The following LSM14A variants were observed in gnomAD, a reference collection of about 807,000 sequenced individuals.
LSM14A encodes the protein protein LSM14 homolog A.
A neutral mutation model predicts 52.4 loss-of-function variants in LSM14A; 14 were observed. The observed-to-expected ratio is 0.27, with a 90% CI of 0.18 to 0.42. LSM14A has a LOEUF of 0.42. Among genes scored for constraint, LSM14A ranks in the 10% least tolerant of loss-of-function variants. The pLI, the probability that LSM14A is intolerant of heterozygous loss-of-function variation, is 1.00. For missense variants in LSM14A, 417 were observed against 581.8 expected (o/e 0.72, Z 2.91); for synonymous variants, 185 against 200.3 (o/e 0.92, Z 0.64).
intron 3 of LSM14A, among the ~76,000 whole-genome samples, chr19:34,205,430 GAGCCGAGATCAC>G (rs1485274533): frequency 7.3e-6 from 1 of 136,226 alleles, no homozygotes; most frequent in Non-Finnish European, 1.6e-5. Flanking sequence ...AGGTTGCAGT[GAGCCGAGATCAC>G]ACCATTGAAC....
intron 9 of LSM14A, among the ~76,000 whole-genome samples, chr19:34,225,281 TC>T: frequency 6.6e-6 from 1 of 152,300 alleles, no homozygotes; most frequent in East Asian, 1.9e-4. Flanking sequence ...AATAATCCTT[TC>T]ATCTGCCACT....
intron 9 of LSM14A, among the ~76,000 whole-genome samples, chr19:34,226,752 A>G (rs542964753): frequency 7.9e-4 from 120 of 152,300 alleles, no homozygotes; most frequent in Non-Finnish European, 1.5e-3. Context: ...ACAGGCCTTT[A>G]GTTTAGGGTC....
intron 1 of LSM14A, among the ~76,000 whole-genome samples, chr19:34,184,055 C>CAT (rs2069700283): frequency 7.7e-6 from 1 of 129,886 alleles, no homozygotes; most frequent in Non-Finnish European, 1.6e-5. Context: ...CTTTCCTTTG[C>CAT]TTTTTTTTTT....
intron 1 of LSM14A, among the ~76,000 whole-genome samples, chr19:34,184,227 G>A (rs1006751970): frequency 5.9e-5 from 9 of 151,868 alleles, no homozygotes; most frequent in Non-Finnish European, 1.3e-4. Context: ...GCTAATTTTT[G>A]TATTTTTAAG....
Position 34,227,390 on chromosome 19 carries a change from C to G in LSM14A, c.*2C>G. On this transcript the variant is annotated 3_prime_UTR_variant, in exon 10 of 10. Transcript: ENST00000544216. Reference sequence around the variant, plus strand: ...AAAGACAACAAAGTTGCTGCATAGTCTACAAACAAGTCTCTGAAAATAGGT... The same window carrying G: ...AAAGACAACAAAGTTGCTGCATAGTGTACAAACAAGTCTCTGAAAATAGGT... The G allele has an allele frequency of 6.3e-7, 1 of 1,593,008 alleles. No individual in the cohort carries two copies. Among genetic ancestry groups the G allele is most frequent in the Non-Finnish European group, 8.5e-7 (1 of 1,172,002 alleles).
At chr19:34,209,397 C>T (rs2071966420) in intron 4 of LSM14A, among the ~76,000 whole-genome samples, 1 of 152,102 alleles carries the variant, frequency 6.6e-6, no homozygotes. Flanking sequence ...TTGGAAATAT[C>T]ATCTGAAAAA....
rs1333230842 is a variant in LSM14A, at chr19:34,219,374, A to G, written c.782-17A>G. The G allele has an allele frequency of 2.5e-6, 4 of 1,585,512 alleles. No homozygotes were observed. Among genetic ancestry groups the G allele is most frequent in the African/African-American group, 2.7e-5 (2 of 73,740 alleles). ...TACATATTGAATGTCCTTTGTATATATTCTTTATTATCATAGCTCCAGGTG... is the reference window on the plus strand; with the variant it reads ...TACATATTGAATGTCCTTTGTATATGTTCTTTATTATCATAGCTCCAGGTG... On this transcript the variant is annotated splice_polypyrimidine_tract_variant and intron_variant, in intron 6 of 9. Transcript: ENST00000544216.
At chr19:34,225,663 G>A (rs1318071526) in intron 9 of LSM14A, among the ~76,000 whole-genome samples, 1 of 152,156 alleles carries the variant, frequency 6.6e-6, no homozygotes, top group Non-Finnish European at 1.5e-5. Context: ...CACATTAGAT[G>A]ATAAGGAAAC....
chr19:34,191,654 G>C (rs944728), intron 1 of LSM14A, among the ~76,000 whole-genome samples: 53,044 of 151,704 alleles, frequency 0.35, 9,717 homozygotes, highest in African/African-American at 0.4. Flanking sequence ...CTTTTTACTT[G>C]ACTCTGAATT....
chr19:34,204,269 A>G (rs540192410), intron 3 of LSM14A, among the ~76,000 whole-genome samples: 1 of 152,366 alleles, frequency 6.6e-6, no homozygotes, highest in South Asian at 2.1e-4. Context: ...CAAAAGGAAT[A>G]AAATCATACA....
intron 8 of LSM14A, among the ~76,000 whole-genome samples, chr19:34,220,854 C>A (rs1377944959): frequency 6.6e-6 from 1 of 152,108 alleles, no homozygotes; most frequent in African/African-American, 2.4e-5. Flanking sequence ...ACAAGGCCTC[C>A]CTGTCTGACT....
chr19:34,215,310 T>C lies in LSM14A; in HGVS notation c.715+10T>C, dbSNP rs375499160. 2.9e-5 allele frequency: 46 copies of C among 1,602,258 alleles called. No individual in the cohort carries two copies. The highest frequency in any genetic ancestry group is 1.6e-4 in the African/African-American group (12 of 74,446). ...CAGGAGCACAGGCGAGGTAGAACTTTAGCTGTTTACTGTTCCTTAATTGAC... is the reference window on the plus strand; with the variant it reads ...CAGGAGCACAGGCGAGGTAGAACTTCAGCTGTTTACTGTTCCTTAATTGAC... On this transcript the variant is annotated intron_variant, in intron 5 of 9. Transcript: ENST00000544216.
At chr19:34,223,657 A>G (rs898941161) in intron 9 of LSM14A, among the ~76,000 whole-genome samples, 1 of 152,194 alleles carries the variant, frequency 6.6e-6, no homozygotes, top group African/African-American at 2.4e-5. Flanking sequence ...TGGGCTTCAG[A>G]CCTTCGTCTC....
chr19:34,221,660 C>G lies in LSM14A; in HGVS notation c.1290C>G (p.Thr430=). The G allele has an allele frequency of 6.2e-7, 1 of 1,614,056 alleles. No individual in the cohort carries two copies. Among genetic ancestry groups the G allele is most frequent in the South Asian group, 1.1e-5 (1 of 91,056 alleles). The part of the protein sequence containing the change: ...GRGRGGGRGG[T]FTAPRGFRGG... ...GGCGTGGTGGTGGCAGAGGTGGTAC[C>G]TTCACTGCCCCTCGAGGATTTCGCG... is the stretch of plus-strand genomic sequence containing the variant. The change falls in exon 9 of 10, where the codon ACC becomes ACG. Residue 430 remains threonine, a synonymous_variant. Transcript: ENST00000544216.
Position 34,187,772 on chromosome 19 carries a change from GTAT to G in LSM14A, c.122-6702_122-6700del, listed in dbSNP as rs376638048. 4.0e-4 allele frequency among the ~76,000 whole-genome samples: 61 copies of G among 152,244 alleles called. No homozygotes were observed. In the South Asian group the frequency reaches 4.4e-3, roughly 11 times the overall value. On this transcript the variant is annotated intron_variant, in intron 1 of 9. Transcript: ENST00000544216. ...CCTTGTACTATGATTTTATATACAA[GTAT>G]TATATACACTAACAACCAGTTTGGC...
intron 6 of LSM14A, 99 bp from the exon 7 acceptor site, chr19:34,219,292 G>C: frequency 3.1e-6 from 2 of 652,740 alleles, no homozygotes; most frequent in South Asian, 5.9e-5. Flanking sequence ...AAGCATTTCT[G>C]TTGTTGACTG....
Position 34,172,526 on chromosome 19 carries a change from T to A in LSM14A, c.-117T>A. On this transcript the variant is annotated 5_prime_UTR_variant, in exon 1 of 10. The change abolishes an upstream ATG in the 5' untranslated region. Coordinates refer to ENST00000544216, the MANE Select transcript of LSM14A (RefSeq NM_015578.4). ...GGTAGCGGAGCCGGCGCCGCCGCCA[T>A]GTTGGGTCTGAAGCGGCTGCTGTAG... is the stretch of plus-strand genomic sequence containing the variant. 3.9e-6 allele frequency: 4 copies of A among 1,038,330 alleles called. No individual in the cohort carries two copies. The highest frequency in any genetic ancestry group is 3.7e-6 in the Non-Finnish European group (3 of 808,882). 64.3% of individuals were successfully genotyped at this position (1,038,330 alleles called of 1,614,324 possible).
chr19:34,217,620 T>A (rs1276197575), intron 6 of LSM14A, among the ~76,000 whole-genome samples: 1 of 21,798 alleles, frequency 4.6e-5, no homozygotes, highest in Admixed American at 5.2e-4. Context: ...CCCCCCCGTG[T>A]TTTTTTTTTT....
intron 1 of LSM14A, among the ~76,000 whole-genome samples, chr19:34,190,000 A>G (rs1381708077): frequency 6.6e-6 from 1 of 152,196 alleles, no homozygotes; most frequent in Non-Finnish European, 1.5e-5. Context: ...GAAATGAACC[A>G]ATGTGATTTC....
Sources: gnomAD v4.1 joint callset for allele counts (sites outside exome capture counted in the v4.1 genomes callset) on GRCh38, gnomAD v4.1.1 for gene constraint, MANE v1.5 for transcripts, NCBI Gene and HGNC (gene_info 2026-07-23, HGNC 2026-07-21) for gene names.